CREG2: variants seen among roughly 807,000 people sequenced by gnomAD.
CREG2 encodes the protein protein CREG2.
In CREG2, 24 loss-of-function variants were observed where a neutral mutation model predicts 26.2. The ratio of observed to expected loss-of-function variants is 0.92; its 90% CI spans 0.66 to 1.29. The LOEUF is 1.29. Ranked by LOEUF, CREG2 falls within the 50% of genes most tolerant of loss-of-function variation. The pLI, the probability that CREG2 is intolerant of heterozygous loss-of-function variation, is 0.00. For missense variants in CREG2, 366 were observed against 398.6 expected (o/e 0.92, Z 0.70); for synonymous variants, 174 against 169.2 (o/e 1.03, Z -0.22).
At chr2:101,374,741 C>A (rs1473309764) in intron 2 of CREG2, among the ~76,000 whole-genome samples, 1 of 152,224 alleles carries the variant, frequency 6.6e-6, no homozygotes, top group Admixed American at 6.5e-5. Context: ...TCTAGGGGAA[C>A]AAATCCCAGG....
intron 2 of CREG2, among the ~76,000 whole-genome samples, chr2:101,381,090 T>C (rs1266602123): frequency 6.6e-6 from 1 of 152,114 alleles, no homozygotes; most frequent in African/African-American, 2.4e-5. Context: ...CTTTCTTGAA[T>C]CTCCCCGCTC....
At chr2:101,358,703 A>G (rs987192252) in intron 2 of CREG2, among the ~76,000 whole-genome samples, 2 of 152,234 alleles carry the variant, frequency 1.3e-5, no homozygotes, top group South Asian at 2.1e-4. Flanking sequence ...CTGCCTCCTC[A>G]GAAGAAAGAA....
At chr2:101,357,222 C>T (rs746904889) in intron 2 of CREG2, among the ~76,000 whole-genome samples, 1 of 151,284 alleles carries the variant, frequency 6.6e-6, no homozygotes, top group African/African-American at 2.4e-5. Flanking sequence ...GGGGTTTCAC[C>T]GTGTTGGTCA....
intron 3 of CREG2, among the ~76,000 whole-genome samples, chr2:101,352,632 A>G (rs748544688): frequency 3.9e-5 from 6 of 152,130 alleles, no homozygotes; most frequent in Non-Finnish European, 8.8e-5. Context: ...ACATGGCAAA[A>G]CCCTGTCTCT....
intron 2 of CREG2, among the ~76,000 whole-genome samples, chr2:101,360,418 T>C (rs1684521751): frequency 6.6e-6 from 1 of 152,108 alleles, no homozygotes; most frequent in African/African-American, 2.4e-5. Context: ...AAGAAAAATA[T>C]GTGCTGTGTG....
intron 2 of CREG2, among the ~76,000 whole-genome samples, chr2:101,358,281 C>T (rs909101320): frequency 1.3e-5 from 2 of 152,122 alleles, no homozygotes; most frequent in Admixed American, 6.5e-5. Context: ...CGTGAGCCAC[C>T]GTGCCCAGCC....
chr2:101,355,568 T>G (rs6543035), intron 2 of CREG2, among the ~76,000 whole-genome samples: 102,108 of 151,710 alleles, frequency 0.67, 36,221 homozygotes, highest in South Asian at 0.78. Flanking sequence ...TGTGCTTATG[T>G]AGGTTAGATA....
intron 2 of CREG2, among the ~76,000 whole-genome samples, chr2:101,366,312 C>T (rs926728647): frequency 6.6e-6 from 1 of 152,134 alleles, no homozygotes; most frequent in Non-Finnish European, 1.5e-5. Context: ...CTCTGAATGA[C>T]GCTTGCCCAT....
intron 2 of CREG2, among the ~76,000 whole-genome samples, chr2:101,376,389 T>C (rs376802551): frequency 2.6e-5 from 4 of 152,208 alleles, no homozygotes; most frequent in African/African-American, 9.6e-5. Context: ...GCGATTCTCA[T>C]GCCTCAGCCT....
At chr2:101,355,422 A>G (rs1480165425) in intron 2 of CREG2, 56 bp from the exon 3 acceptor site, 2 of 1,086,086 alleles carry the variant, frequency 1.8e-6, no homozygotes, top group Non-Finnish European at 2.8e-6. Context: ...ATCAGCCAGC[A>G]ATTCTAACGA....
At chr2:101,353,128 T>G (rs1419561506) in intron 3 of CREG2, among the ~76,000 whole-genome samples, 3 of 152,230 alleles carry the variant, frequency 2.0e-5, no homozygotes, top group African/African-American at 2.4e-5. Flanking sequence ...GTAAATTTGT[T>G]TAAGTTCCTT....
chr2:101,350,229 T>C lies in CREG2; in HGVS notation c.*694A>G, dbSNP rs530036109. 1 of 152,398 alleles carries C rather than the reference T, an allele frequency of 6.6e-6. No homozygotes were observed. The highest frequency in any genetic ancestry group is 1.5e-5 in the Non-Finnish European group (1 of 68,084). 9.4% of individuals were successfully genotyped at this position (152,398 alleles called of 1,614,324 possible). A position where few individuals can be genotyped will look rare whatever the true frequency, so the allele number is the denominator to read the frequency against. On this transcript the variant is annotated 3_prime_UTR_variant, in exon 4 of 4. Coordinates refer to ENST00000324768, the MANE Select transcript of CREG2 (RefSeq NM_153836.4). ...TTGCCAGAAGTATGAGCAGCAGGGA[T>C]CTGGGGAGCTTAATGTCAAAGCTAC...
chr2:101,359,506 A>G (rs952924332), intron 2 of CREG2, among the ~76,000 whole-genome samples: 5 of 152,180 alleles, frequency 3.3e-5, no homozygotes, highest in South Asian at 2.1e-4. Flanking sequence ...CTGATCACCA[A>G]CTTCAGGTTT....
chr2:101,384,876 A>AATAT (rs1253762402), intron 1 of CREG2, among the ~76,000 whole-genome samples: 5 of 151,950 alleles, frequency 3.3e-5, no homozygotes, highest in Non-Finnish European at 5.9e-5. Flanking sequence ...TAAATAAATA[A>AATAT]AAATAAAAAG....
intron 2 of CREG2, among the ~76,000 whole-genome samples, chr2:101,369,250 G>T (rs909823305): frequency 6.6e-6 from 1 of 152,204 alleles, no homozygotes; most frequent in Non-Finnish European, 1.5e-5. Context: ...CTTGGGCCAG[G>T]GGGTGGAGAG....
intron 1 of CREG2, among the ~76,000 whole-genome samples, chr2:101,386,386 A>G (rs1468438304): frequency 2.0e-5 from 3 of 152,230 alleles, no homozygotes; most frequent in African/African-American, 4.8e-5. Context: ...TTACTTATCC[A>G]TGTCATTCTA....
chr2:101,384,335 A>C (rs542941125), intron 1 of CREG2, among the ~76,000 whole-genome samples: 4 of 152,218 alleles, frequency 2.6e-5, no homozygotes, highest in Non-Finnish European at 5.9e-5. Context: ...GAAGTCATAG[A>C]AACATGATAT....
intron 2 of CREG2, among the ~76,000 whole-genome samples, chr2:101,370,575 G>A (rs892150086): frequency 1.2e-4 from 18 of 152,150 alleles, no homozygotes; most frequent in Non-Finnish European, 1.8e-4. Context: ...CTCTAATGTC[G>A]TGATCCTCTT....
rs1267491643 is a variant in CREG2 at position 101,349,380 on chromosome 2, T to C, written c.*1543A>G. 5.9e-5 allele frequency: 9 copies of C among 152,656 alleles called. No individual in the cohort carries two copies. The highest frequency in any genetic ancestry group is 1.3e-4 in the Non-Finnish European group (9 of 68,042). 9.5% of individuals were successfully genotyped at this position (152,656 alleles called of 1,614,324 possible). On this transcript the variant is annotated 3_prime_UTR_variant, in exon 4 of 4. Transcript: ENST00000324768. ...TTTAGCAATAGATAATTAAAATATATTTTGACAACTCAAGCTCTCGTCGTA... is the reference window on the plus strand; with the variant it reads ...TTTAGCAATAGATAATTAAAATATACTTTGACAACTCAAGCTCTCGTCGTA...
Sources: allele counts gnomAD v4.1 joint callset (sites outside exome capture counted in the v4.1 genomes callset), GRCh38; gene constraint gnomAD v4.1.1; transcripts MANE v1.5; gene names NCBI Gene and HGNC (gene_info 2026-07-23, HGNC 2026-07-21).